Variants in CELF2 observed in about 807,000 individuals in gnomAD.
The protein encoded by CELF2 is CUGBP Elav-like family member 2.
Under a neutral mutation model 62.6 loss-of-function variants are expected in CELF2, and 8 were observed. That is an observed-to-expected ratio of 0.13 (90% CI 0.07 to 0.23). CELF2 has a LOEUF of 0.23. Ranked by LOEUF, CELF2 falls within the 10% of genes least tolerant of loss-of-function variation. CELF2 has a pLI of 1.00. For synonymous variants in CELF2, 258 were observed against 250.0 expected (o/e 1.03, Z -0.30); for missense variants, 333 against 671.0 (o/e 0.50, Z 5.56).
chr10:11,045,161 A>G (rs932563305), intron 1 of CELF2, among the ~76,000 whole-genome samples: 3 of 152,074 alleles, frequency 2.0e-5, no homozygotes, highest in African/African-American at 7.2e-5. Flanking sequence ...CTTTATTTTT[A>G]TTTTGGAGGT....
chr10:11,096,708 C>T (rs1297231193), intron 1 of CELF2, among the ~76,000 whole-genome samples: 1 of 152,122 alleles, frequency 6.6e-6, no homozygotes, highest in Non-Finnish European at 1.5e-5. Flanking sequence ...AACCTTGGCT[C>T]AGAAGCAATT....
intron 1 of CELF2, among the ~76,000 whole-genome samples, chr10:11,052,754 G>C (rs1291232138): frequency 1.3e-5 from 2 of 152,162 alleles, no homozygotes; most frequent in Non-Finnish European, 2.9e-5. Flanking sequence ...CAGTAACTCT[G>C]CAAGTAGATG....
At chr10:10,598,835 C>A in the CELF2 span, among the ~76,000 whole-genome samples, 2 of 140,514 alleles carry the variant, frequency 1.4e-5, no homozygotes, top group Non-Finnish European at 3.0e-5. Context: ...CTCACTGCAA[C>A]CTCCGCCTCC....
intron 1 of CELF2, among the ~76,000 whole-genome samples, chr10:10,833,013 CTGTGTGTGTGTGTGTGTGTGTGTG>C (rs71378768): frequency 1.4e-5 from 2 of 144,508 alleles, no homozygotes; most frequent in African/African-American, 2.6e-5. Context: ...ACAGAAAACT[CTGTGTGTGTGTGTGTGTGTGTGTG>C]TGTGTGTGTG....
At chr10:10,495,236 G>A in the CELF2 span, among the ~76,000 whole-genome samples, 1 of 152,182 alleles carries the variant, frequency 6.6e-6, no homozygotes, top group Non-Finnish European at 1.5e-5. Flanking sequence ...CTGAGATGGT[G>A]CCACTGCACT....
chr10:11,170,116 A>T (rs2068384618), intron 2 of CELF2, among the ~76,000 whole-genome samples: 1 of 152,158 alleles, frequency 6.6e-6, no homozygotes, highest in African/African-American at 2.4e-5. Flanking sequence ...AGGGAGAGGA[A>T]GCTTAGACAT....
chr10:11,029,945 T>A (rs1753898927), intron 1 of CELF2, among the ~76,000 whole-genome samples: 1 of 152,226 alleles, frequency 6.6e-6, no homozygotes, highest in African/African-American at 2.4e-5. Flanking sequence ...GCCACACTTT[T>A]ATCTTGCCTC....
intron 1 of CELF2, among the ~76,000 whole-genome samples, chr10:11,081,725 T>C (rs528841286): frequency 6.6e-6 from 1 of 152,328 alleles, no homozygotes; most frequent in African/African-American, 2.4e-5. Context: ...CTGGCATACT[T>C]GACACATTTT....
chr10:10,494,950 T>G, the CELF2 span, among the ~76,000 whole-genome samples: 1 of 152,140 alleles, frequency 6.6e-6, no homozygotes, highest in Admixed American at 6.5e-5. Context: ...AATTAAAGAC[T>G]GAATTGAAAG....
At position 10,822,337 on chromosome 10, in the gene CELF2, A is replaced by T. The variant is rs142496337; in HGVS notation, c.53+23520A>T. Among the ~76,000 whole-genome samples, 68 of 152,342 alleles carry T rather than the reference A, an allele frequency of 4.5e-4. No individual in the cohort carries two copies. In the East Asian group the frequency reaches 0.013, roughly 29 times the overall value. On this transcript the variant is annotated intron_variant, in intron 1 of 13. Transcript: ENST00000636488. ...ATAGACAGGAAGTCATTGCCTCTTGACTATCTCAGAGGCAAATTCTGCAGT... is the reference window on the plus strand; with the variant it reads ...ATAGACAGGAAGTCATTGCCTCTTGTCTATCTCAGAGGCAAATTCTGCAGT...
the CELF2 span, among the ~76,000 whole-genome samples, chr10:10,712,258 A>C: frequency 3.3e-5 from 5 of 151,276 alleles, no homozygotes; most frequent in Non-Finnish European, 7.4e-5. Flanking sequence ...ACCCACGTCC[A>C]TCCATCAGAG....
rs2094229275 is a variant in CELF2, at chr10:11,306,639, A to G, written c.977-7500A>G. Among the ~76,000 whole-genome samples the G allele has an allele frequency of 6.6e-6, 1 of 152,202 alleles. No homozygotes were observed. On this transcript the variant is annotated intron_variant, in intron 9 of 12. Coordinates refer to ENST00000633077, the MANE Select transcript of CELF2 (RefSeq NM_001326342.2). The surrounding 1 kb of genome is among the most constrained non-coding windows in gnomAD (Gnocchi z 4.4). ...TACAACTGAGATGCCAGTTGGGGTGAATTTTCAAAGTATTGTCTGATGATG... is the reference window on the plus strand; with the variant it reads ...TACAACTGAGATGCCAGTTGGGGTGGATTTTCAAAGTATTGTCTGATGATG...
chr10:10,876,692 T>C (rs1039384225), intron 1 of CELF2, among the ~76,000 whole-genome samples: 7 of 152,232 alleles, frequency 4.6e-5, no homozygotes, highest in Non-Finnish European at 1.0e-4. Context: ...GTTTTCCTAC[T>C]CTCCAGAATG....
chr10:11,336,060 C>T lies in CELF2; in HGVS notation c.*7007C>T, dbSNP rs556871421. The T allele has an allele frequency of 1.3e-5, 2 of 152,582 alleles. No individual in the cohort carries two copies. The highest frequency in any genetic ancestry group is 2.4e-5 in the African/African-American group (1 of 41,446). The allele number at this position is 152,582 out of a possible 1,614,324, so 9.5% of individuals were successfully genotyped here. Reference sequence around the variant, plus strand: ...CCATGCATGGACCACCTTGGGATACCGCAGCACCATCAACATCCGCCTTGC... The same window carrying T: ...CCATGCATGGACCACCTTGGGATACTGCAGCACCATCAACATCCGCCTTGC... On this transcript the variant is annotated 3_prime_UTR_variant, in exon 13 of 13. Coordinates refer to ENST00000633077, the MANE Select transcript of CELF2 (RefSeq NM_001326342.2). This position sits in a 1 kb window ranked among gnomAD's most constrained non-coding sequence, Gnocchi z 5.4.
intron 1 of CELF2, among the ~76,000 whole-genome samples, chr10:11,134,242 C>T (rs550428699): frequency 9.9e-5 from 15 of 152,192 alleles, no homozygotes; most frequent in African/African-American, 3.6e-4. Flanking sequence ...TGCAAAGGGG[C>T]AGGGGCCCTG....
rs553683155 is a variant in CELF2, at chr10:11,227,924, C to T, written c.354+10417C>T. ...TGACATTCCACACTTTGTGTACTCA[C>T]CAGCACATACACGGTATTATTGTTT... On this transcript the variant is annotated intron_variant, in intron 3 of 12. Coordinates refer to ENST00000633077, the MANE Select transcript of CELF2 (RefSeq NM_001326342.2). The surrounding 1 kb of genome is among the most constrained non-coding windows in gnomAD (Gnocchi z 4.8). Among the ~76,000 whole-genome samples, 6 of 152,320 alleles carry T rather than the reference C, an allele frequency of 3.9e-5. No individual in the cohort carries two copies. In the South Asian group the frequency reaches 1.2e-3, roughly 32 times the overall value.
the CELF2 span, among the ~76,000 whole-genome samples, chr10:10,788,565 C>T: frequency 1.4e-3 from 209 of 146,134 alleles, 2 homozygotes; most frequent in African/African-American, 5.0e-3. Flanking sequence ...CAGATTCAAG[C>T]GATTCTCCTG....
intron 1 of CELF2, among the ~76,000 whole-genome samples, chr10:11,007,767 G>A (rs1218468016): frequency 6.6e-6 from 1 of 152,152 alleles, no homozygotes; most frequent in Non-Finnish European, 1.5e-5. Flanking sequence ...ATTTTGTGTG[G>A]GTTGGGAGGA....
chr10:11,245,241 A>G (rs576363998), intron 3 of CELF2, among the ~76,000 whole-genome samples: 1 of 152,228 alleles, frequency 6.6e-6, no homozygotes, highest in Non-Finnish European at 1.5e-5. Context: ...AAGTTCTGGG[A>G]GTCGGAAGAT....
Sources: gnomAD v4.1 joint callset for allele counts (sites outside exome capture counted in the v4.1 genomes callset) on GRCh38, gnomAD v4.1.1 for gene constraint, Gnocchi (gnomAD v3.1) non-coding constraint, MANE v1.5 for transcripts, NCBI Gene and HGNC (gene_info 2026-07-23, HGNC 2026-07-21) for gene names.